PRKCA: variants seen among roughly 807,000 people sequenced by gnomAD.
PRKCA encodes the protein protein kinase C alpha.
PRKCA carries 27 observed loss-of-function variants against 87.0 expected under a neutral mutation model. The observed-to-expected ratio is 0.31, with a 90% CI of 0.23 to 0.43. The LOEUF is 0.43. Ranked by LOEUF, PRKCA falls within the 20% of genes least tolerant of loss-of-function variation. The pLI is 1.00. For missense variants in PRKCA, 518 were observed against 852.3 expected (o/e 0.61, Z 4.88); for synonymous variants, 329 against 311.1 (o/e 1.06, Z -0.61).
chr17:66,376,016 C>T (rs1909398125), intron 2 of PRKCA, among the ~76,000 whole-genome samples: 1 of 152,162 alleles, frequency 6.6e-6, no homozygotes, highest in Non-Finnish European at 1.5e-5. Context: ...ATTGTTTATT[C>T]AGTATATATT....
At chr17:66,691,168 C>T (rs1235583492) in intron 8 of PRKCA, among the ~76,000 whole-genome samples, 2 of 152,118 alleles carry the variant, frequency 1.3e-5, no homozygotes, top group Non-Finnish European at 2.9e-5. Context: ...ACTTAGAACT[C>T]TGTGTAGGTC....
chr17:66,321,764 G>A (rs992302746), intron 2 of PRKCA, among the ~76,000 whole-genome samples: 8 of 152,052 alleles, frequency 5.3e-5, no homozygotes, highest in Admixed American at 2.0e-4. Flanking sequence ...GGCTGATCTC[G>A]AACTCCTGAC....
At chr17:66,664,537 G>C (rs2143916966) in intron 5 of PRKCA, among the ~76,000 whole-genome samples, 1 of 152,116 alleles carries the variant, frequency 6.6e-6, no homozygotes, top group South Asian at 2.1e-4. Flanking sequence ...GGTATTGCCA[G>C]GTGAAAATCT....
chr17:66,390,225 A>G (rs1217513002), intron 2 of PRKCA, among the ~76,000 whole-genome samples: 5 of 54,928 alleles, frequency 9.1e-5, no homozygotes, highest in Non-Finnish European at 2.5e-4. Context: ...TCAGTCTCAA[A>G]AAAGAAAAAA....
At chr17:66,797,590 A>G (rs1422177191) in intron 16 of PRKCA, among the ~76,000 whole-genome samples, 8 of 152,194 alleles carry the variant, frequency 5.3e-5, no homozygotes, top group Admixed American at 5.2e-4. Context: ...TCCTCACAAC[A>G]GCCTGGGAAG....
chr17:66,361,690 T>C (rs1217637458), intron 2 of PRKCA, among the ~76,000 whole-genome samples: 2 of 152,240 alleles, frequency 1.3e-5, no homozygotes, highest in Non-Finnish European at 2.9e-5. Context: ...AGTTTTCTTT[T>C]CTTGAAGGTG....
At chr17:66,378,989 C>T (rs1237087474) in intron 2 of PRKCA, among the ~76,000 whole-genome samples, 2 of 151,820 alleles carry the variant, frequency 1.3e-5, no homozygotes, top group Non-Finnish European at 2.9e-5. Flanking sequence ...TTCATTTATA[C>T]TGCAGAATGA....
intron 5 of PRKCA, among the ~76,000 whole-genome samples, chr17:66,660,364 AACTTACTGAT>A (rs1372663370): frequency 6.6e-6 from 1 of 152,180 alleles, no homozygotes; most frequent in African/African-American, 2.4e-5. Flanking sequence ...CTGTTGTTTT[AACTTACTGAT>A]ACCTTCTTCC....
intron 13 of PRKCA, among the ~76,000 whole-genome samples, chr17:66,767,873 TG>T (rs1974845312): frequency 6.6e-6 from 1 of 152,194 alleles, no homozygotes; most frequent in South Asian, 2.1e-4. Flanking sequence ...GAATACTATC[TG>T]ATGCTGAAGG....
intron 2 of PRKCA, among the ~76,000 whole-genome samples, chr17:66,459,599 C>G (rs1914749239): frequency 6.6e-6 from 1 of 152,130 alleles, no homozygotes; most frequent in Admixed American, 6.5e-5. Context: ...TGAGATTCCG[C>G]TTGATTTGAG....
intron 2 of PRKCA, among the ~76,000 whole-genome samples, chr17:66,406,607 T>TTTTTTTTTTTTTTTTTG (rs1911412843): frequency 6.8e-6 from 1 of 147,260 alleles, no homozygotes; most frequent in South Asian, 2.2e-4. Context: ...TTTTTTTTTT[T>TTTTTTTTTTTTTTTTTG]TTAAATGTCA....
chr17:66,544,549 T>G (rs1320343599), intron 3 of PRKCA, among the ~76,000 whole-genome samples: 1 of 152,234 alleles, frequency 6.6e-6, no homozygotes, highest in African/African-American at 2.4e-5. Context: ...GAAGCCTTGT[T>G]ACAGTACTTT....
In PRKCA at chr17:66,649,266, G is replaced by T. The variant is rs1692975942; in HGVS notation, c.529+3755G>T. 2.0e-5 allele frequency among the ~76,000 whole-genome samples: 3 copies of T among 152,194 alleles called. 1 individual carries two copies. Among genetic ancestry groups the T allele is most frequent in the Non-Finnish European group, 2.9e-5 (2 of 68,028 alleles). Reference sequence around the variant, plus strand: ...GGGCAGTGCTTGCCAATGATGGGTGGCACCCCCATGCCCATTATCTGCCTG... The same window carrying T: ...GGGCAGTGCTTGCCAATGATGGGTGTCACCCCCATGCCCATTATCTGCCTG... On this transcript the variant is annotated intron_variant, in intron 5 of 16. Transcript: ENST00000413366.
chr17:66,421,798 C>T (rs1033616384), intron 2 of PRKCA, among the ~76,000 whole-genome samples: 1 of 151,954 alleles, frequency 6.6e-6, no homozygotes, highest in African/African-American at 2.4e-5. Context: ...CCGCCTTGGC[C>T]TCCCAAAGTG....
chr17:66,796,525 T>G, intron 16 of PRKCA: 7 of 985,370 alleles, frequency 7.1e-6, no homozygotes, highest in Non-Finnish European at 8.4e-6. Context: ...CTTGGGTGAC[T>G]AAATGAGCAA....
At chr17:66,504,135 C>G (rs1009342082) in intron 3 of PRKCA, among the ~76,000 whole-genome samples, 4 of 152,176 alleles carry the variant, frequency 2.6e-5, no homozygotes, top group African/African-American at 9.7e-5. Flanking sequence ...AAGTTGCCTT[C>G]AGCCCCAAGT....
chr17:66,429,265 A>G (rs1190757048), intron 2 of PRKCA, among the ~76,000 whole-genome samples: 2 of 152,240 alleles, frequency 1.3e-5, no homozygotes, highest in Non-Finnish European at 2.9e-5. Context: ...AGCTCCGCAT[A>G]GTAGAAACAT....
chr17:66,468,870 C>T (rs535709549), intron 2 of PRKCA, among the ~76,000 whole-genome samples: 3 of 152,286 alleles, frequency 2.0e-5, no homozygotes, highest in African/African-American at 4.8e-5. Flanking sequence ...TTTTGCAATC[C>T]TCTCTATTTC....
Position 66,472,700 on chromosome 17 carries a change from G to A in PRKCA, c.206-23501G>A, listed in dbSNP as rs1342604319. Among the ~76,000 whole-genome samples, 3 of 152,150 alleles carry A rather than the reference G, an allele frequency of 2.0e-5. No homozygotes were observed. The East Asian group carries it at 5.8e-4, about 29-fold the overall frequency. ...GCCCACAAATGCCCACCTCTGCTGA[G>A]CCACCTTCTTGCAAAGGAGGCTTTT... On this transcript the variant is annotated intron_variant, in intron 2 of 16. Coordinates refer to ENST00000413366, the MANE Select transcript of PRKCA (RefSeq NM_002737.3).
Sources: gnomAD v4.1 joint callset for allele counts (sites outside exome capture counted in the v4.1 genomes callset) on GRCh38, gnomAD v4.1.1 for gene constraint, MANE v1.5 for transcripts, NCBI Gene and HGNC (gene_info 2026-07-23, HGNC 2026-07-21) for gene names.